Variants in SELENOT observed in about 807,000 individuals in gnomAD.
SELENOT encodes the protein selenoprotein T.
A neutral mutation model predicts 24.3 loss-of-function variants in SELENOT; 9 were observed. That is an observed-to-expected ratio of 0.37 (90% CI 0.22 to 0.65). The LOEUF is 0.65. SELENOT is among the 30% of genes least tolerant of loss of function. SELENOT has a pLI of 0.60. For synonymous variants in SELENOT, 81 were observed against 86.0 expected (o/e 0.94, Z 0.32); for missense variants, 166 against 247.6 (o/e 0.67, Z 2.21).
chr3:150,626,847 C>T (rs1726455594), intron 4 of SELENOT, 163 bp from the exon 5 acceptor site: 1 of 620,712 alleles, frequency 1.6e-6, no homozygotes, highest in Admixed American at 3.2e-5. Context: ...GTTCTTTTGA[C>T]ATTTCCCCTA....
chr3:150,615,011 C>T (rs1000353002), intron 1 of SELENOT, among the ~76,000 whole-genome samples: 3 of 116,886 alleles, frequency 2.6e-5, no homozygotes, highest in African/African-American at 9.6e-5. Flanking sequence ...GCTATCCCTC[C>T]CCCCTCCCCC....
At chr3:150,615,226 A>T (rs1464495094) in intron 1 of SELENOT, among the ~76,000 whole-genome samples, 3 of 151,040 alleles carry the variant, frequency 2.0e-5, no homozygotes, top group Non-Finnish European at 4.4e-5. Flanking sequence ...TAGTATTCCA[A>T]GGTGTATATG....
chr3:150,617,325 G>T (rs1726239350), intron 1 of SELENOT, among the ~76,000 whole-genome samples: 1 of 152,098 alleles, frequency 6.6e-6, no homozygotes, highest in East Asian at 1.9e-4. Flanking sequence ...TTGAGGAAAG[G>T]CATGGTAACT....
intron 4 of SELENOT, among the ~76,000 whole-genome samples, chr3:150,626,112 G>A (rs576358728): frequency 3.3e-5 from 5 of 152,048 alleles, no homozygotes; most frequent in East Asian, 1.9e-4. Flanking sequence ...CCTGTGATCC[G>A]CCCGCCTCCA....
intron 1 of SELENOT, among the ~76,000 whole-genome samples, chr3:150,608,570 C>T (rs1240955032): frequency 6.6e-6 from 1 of 151,856 alleles, no homozygotes; most frequent in Non-Finnish European, 1.5e-5. Context: ...GAGTTCAAGA[C>T]CAGCCTGGGC....
rs1160012578 is a variant in SELENOT at position 150,616,045 on chromosome 3, G to A, written c.138-6340G>A. ...GAACAGAGCCCTCAGAAATGATGCC[G>A]CATATCTACAACTATCTGATCTTTG... On this transcript the variant is annotated intron_variant, in intron 1 of 5. Coordinates refer to ENST00000471696, the MANE Select transcript of SELENOT (RefSeq NM_016275.5). 1.1e-4 allele frequency among the ~76,000 whole-genome samples: 17 copies of A among 151,840 alleles called. No individual in the cohort carries two copies. The East Asian group carries it at 1.5e-3, about 14-fold the overall frequency.
chr3:150,615,524 CCT>C (rs1312797180), intron 1 of SELENOT, among the ~76,000 whole-genome samples: 2 of 152,164 alleles, frequency 1.3e-5, no homozygotes, highest in Non-Finnish European at 2.9e-5. Context: ...CTCTCCAGCA[CCT>C]GTTGTTTCAG....
At chr3:150,627,560 T>C in intron 5 of SELENOT, 99 bp from the exon 6 acceptor site, 1 of 154,134 alleles carries the variant, frequency 6.5e-6, no homozygotes. Context: ...CAGAGAGGTA[T>C]TAGTTAACTT....
In SELENOT at chr3:150,630,411, G is replaced by A. The variant is rs1285729932; in HGVS notation, c.*2782G>A. On this transcript the variant is annotated 3_prime_UTR_variant, in exon 6 of 6. Transcript: ENST00000471696. ...TTTGGGGACTTACCTCTGTAGCATTGTGAAAATAAACTTTGATTAAGCTGA... is the reference window on the plus strand; with the variant it reads ...TTTGGGGACTTACCTCTGTAGCATTATGAAAATAAACTTTGATTAAGCTGA... 8 of 152,106 alleles carry A rather than the reference G, an allele frequency of 5.3e-5. No homozygotes were observed. Among genetic ancestry groups the A allele is most frequent in the Non-Finnish European group, 8.8e-5 (6 of 68,022 alleles). The allele number at this position is 152,106 out of a possible 1,614,324, so 9.4% of individuals were successfully genotyped here.
At chr3:150,625,770 C>T (rs1220219905) in intron 4 of SELENOT, among the ~76,000 whole-genome samples, 2 of 152,016 alleles carry the variant, frequency 1.3e-5, no homozygotes, top group Non-Finnish European at 2.9e-5. Context: ...TAAGTACCTA[C>T]ATAATGTTCT....
In SELENOT at chr3:150,619,870, G is replaced by GA. The variant is rs1171725125; in HGVS notation, c.138-2510dup. Among the ~76,000 whole-genome samples, 4 of 151,964 alleles carry GA rather than the reference G, an allele frequency of 2.6e-5. No individual in the cohort carries two copies. The South Asian group carries it at 6.2e-4, about 24-fold the overall frequency. ...TATTTTAGGGAAAGCAATTATATAG[G>GA]AAAAAGGGTTCCTTGGTTTTCACAA... is the stretch of plus-strand genomic sequence containing the variant. On this transcript the variant is annotated intron_variant, in intron 1 of 5. Coordinates refer to ENST00000471696, the MANE Select transcript of SELENOT (RefSeq NM_016275.5).
intron 3 of SELENOT, 132 bp from the exon 4 acceptor site, chr3:150,624,680 T>G: frequency 2.0e-6 from 1 of 495,290 alleles, no homozygotes; most frequent in East Asian, 3.5e-5. Context: ...ATTGGTTTAC[T>G]TTTGCTCTAT....
intron 1 of SELENOT, among the ~76,000 whole-genome samples, chr3:150,604,244 C>A (rs1725908289): frequency 6.6e-6 from 1 of 152,190 alleles, no homozygotes; most frequent in African/African-American, 2.4e-5. Flanking sequence ...GTGTATCCAG[C>A]AGATCTCGGC....
chr3:150,626,140 G>T (rs1726440740), intron 4 of SELENOT, among the ~76,000 whole-genome samples: 1 of 152,080 alleles, frequency 6.6e-6, no homozygotes, highest in Non-Finnish European at 1.5e-5. Context: ...CTCCCAAAGT[G>T]CTGGAATTAC....
chr3:150,612,742 T>C (rs1726124865), intron 1 of SELENOT, among the ~76,000 whole-genome samples: 1 of 152,266 alleles, frequency 6.6e-6, no homozygotes, highest in Non-Finnish European at 1.5e-5. Context: ...AAGCCTATTT[T>C]ATCCATCTTC....
intron 3 of SELENOT, among the ~76,000 whole-genome samples, chr3:150,623,812 A>G (rs1258193896): frequency 6.6e-6 from 1 of 152,004 alleles, no homozygotes; most frequent in Admixed American, 6.6e-5. Context: ...GATTTTAATC[A>G]TTGTTTCTGG....
chr3:150,624,037 T>C (rs1726392538), intron 3 of SELENOT, among the ~76,000 whole-genome samples: 1 of 150,050 alleles, frequency 6.7e-6, no homozygotes, highest in African/African-American at 2.4e-5. Context: ...GACTTCTTAA[T>C]ATAAATATCT....
chr3:150,626,855 C>T, intron 4 of SELENOT, 155 bp from the exon 5 acceptor site: 1 of 642,708 alleles, frequency 1.6e-6, no homozygotes, highest in Admixed American at 3.2e-5. Context: ...GACATTTCCC[C>T]TACTGGAATG....
chr3:150,626,697 T>C (rs1392482951), intron 4 of SELENOT, among the ~76,000 whole-genome samples: 1 of 152,246 alleles, frequency 6.6e-6, no homozygotes, highest in Non-Finnish European at 1.5e-5. Context: ...AATTTTTCTT[T>C]ATCTTTTAGA....
Sources: gnomAD v4.1 joint callset for allele counts (sites outside exome capture counted in the v4.1 genomes callset) on GRCh38, gnomAD v4.1.1 for gene constraint, MANE v1.5 for transcripts, NCBI Gene and HGNC (gene_info 2026-07-23, HGNC 2026-07-21) for gene names.